The following MEI1 variants were observed in gnomAD, a reference collection of about 807,000 sequenced individuals.
MEI1 encodes meiotic double-stranded break formation protein 1.
A neutral mutation model predicts 146.2 loss-of-function variants in MEI1; 103 were observed. The ratio of observed to expected loss-of-function variants is 0.70; its 90% CI spans 0.60 to 0.83. MEI1 has a LOEUF of 0.83. Among genes scored for constraint, MEI1 ranks in the 40% least tolerant of loss-of-function variants. The pLI, the probability that MEI1 is intolerant of heterozygous loss-of-function variation, is 0.00. For missense variants in MEI1, 1,529 were observed against 1,533.0 expected (o/e 1.00, Z 0.04); for synonymous variants, 652 against 628.2 (o/e 1.04, Z -0.57).
At chr22:41,775,392 GTCTTGAAAACAACC>G (rs2075386773) in intron 20 of MEI1, among the ~76,000 whole-genome samples, 1 of 152,058 alleles carries the variant, frequency 6.6e-6, no homozygotes, top group Non-Finnish European at 1.5e-5. Context: ...CAGGTTCCCT[GTCTTGAAAACAACC>G]TCTTGACCCT....
At chr22:41,723,846 T>C in intron 6 of MEI1, 97 bp from the exon 7 acceptor site, 1 of 1,409,000 alleles carries the variant, frequency 7.1e-7, no homozygotes, top group East Asian at 2.5e-5. Flanking sequence ...TGTAGAGGGA[T>C]GAAGAAGTTT....
At position 41,729,691 on chromosome 22, in the gene MEI1, G is replaced by A; in HGVS notation, c.891G>A (p.Leu297=). ...KKLLLSRDET[L]QVASAHCITA... is the part of the protein sequence containing the mutation. The stretch of plus-strand genomic sequence containing the variant: ...TTCTCCTCTCTAGAGATGAAACCCT[G>A]CAGGTGGCCAGTGCTCACTGTATAA... The change falls in exon 8 of 31, where the codon CTG becomes CTA. Residue 297 remains leucine, a synonymous_variant. Transcript: ENST00000401548. 1 of 1,611,704 alleles carries A rather than the reference G, an allele frequency of 6.2e-7. No individual in the cohort carries two copies. Among genetic ancestry groups the A allele is most frequent in the Non-Finnish European group, 8.5e-7 (1 of 1,179,048 alleles).
chr22:41,729,557 C>T, intron 7 of MEI1, 108 bp from the exon 8 acceptor site: 1 of 714,494 alleles, frequency 1.4e-6, no homozygotes, highest in South Asian at 1.5e-5. Context: ...CCATGTGGGA[C>T]AGGAAGGATC....
intron 19 of MEI1, among the ~76,000 whole-genome samples, chr22:41,765,657 C>G (rs2074799081): frequency 2.0e-5 from 3 of 152,014 alleles, no homozygotes; most frequent in African/African-American, 7.2e-5. Flanking sequence ...TTTGCATTCT[C>G]TCTCTTCCCA....
At chr22:41,741,037 A>G in intron 11 of MEI1, among the ~76,000 whole-genome samples, 1 of 152,154 alleles carries the variant, frequency 6.6e-6, no homozygotes. Context: ...CAGCCTGCCG[A>G]GTAGCTGGGA....
At chr22:41,728,753 T>C (rs905915685) in intron 7 of MEI1, among the ~76,000 whole-genome samples, 6 of 147,532 alleles carry the variant, frequency 4.1e-5, no homozygotes, top group Non-Finnish European at 7.5e-5. Flanking sequence ...CCCAGCTACT[T>C]GAGGGGCTGA....
At chr22:41,792,021 GTT>G (rs941552813) in intron 26 of MEI1, among the ~76,000 whole-genome samples, 1 of 152,148 alleles carries the variant, frequency 6.6e-6, no homozygotes, top group African/African-American at 2.4e-5. Flanking sequence ...TGAGTATGGG[GTT>G]TCTTTTTAGG....
At chr22:41,719,419 T>C (rs1477439967) in intron 6 of MEI1, among the ~76,000 whole-genome samples, 2 of 152,142 alleles carry the variant, frequency 1.3e-5, no homozygotes, top group Non-Finnish European at 2.9e-5. Context: ...ACTCCTGATT[T>C]CAGGTGATCT....
At chr22:41,725,364 G>A (rs1184976798) in intron 7 of MEI1, among the ~76,000 whole-genome samples, 3 of 151,882 alleles carry the variant, frequency 2.0e-5, no homozygotes, top group East Asian at 1.9e-4. Context: ...CGCCTGCCTC[G>A]GCCTCCCAAA....
chr22:41,727,750 G>A (rs1398939160), intron 7 of MEI1, among the ~76,000 whole-genome samples: 1 of 152,124 alleles, frequency 6.6e-6, no homozygotes, highest in Non-Finnish European at 1.5e-5. Context: ...GAAGTCTGGT[G>A]GAACCAACAC....
intron 26 of MEI1, among the ~76,000 whole-genome samples, chr22:41,786,772 G>A (rs2076001072): frequency 6.6e-6 from 1 of 152,178 alleles, no homozygotes; most frequent in Non-Finnish European, 1.5e-5. Context: ...GTTCCCCATG[G>A]GAAAACTGCT....
At chr22:41,766,360 C>G (rs956201507) in intron 19 of MEI1, among the ~76,000 whole-genome samples, 1 of 151,040 alleles carries the variant, frequency 6.6e-6, no homozygotes, top group African/African-American at 2.4e-5. Flanking sequence ...TTAGTAGAGA[C>G]AGGGTTTCAC....
At chr22:41,765,883 C>CTTTTTTT (rs1013045266) in intron 19 of MEI1, among the ~76,000 whole-genome samples, 1 of 86,134 alleles carries the variant, frequency 1.2e-5, no homozygotes, top group Non-Finnish European at 2.3e-5. Context: ...CCAAAATGTT[C>CTTTTTTT]TTTTTTTTTT....
chr22:41,705,582 T>C (rs1451785738), intron 3 of MEI1, 28 bp downstream of exon 3: 1 of 1,598,224 alleles, frequency 6.3e-7, no homozygotes, highest in South Asian at 1.1e-5. Context: ...ATCTAGCACT[T>C]GAAGATGAAA....
chr22:41,784,746 G>A lies in MEI1; in HGVS notation c.3308G>A (p.Arg1103Gln), dbSNP rs1421289628. The A allele has an allele frequency of 3.1e-6, 5 of 1,611,864 alleles. No homozygotes were observed. Among genetic ancestry groups the A allele is most frequent in the East Asian group, 2.2e-5 (1 of 44,852 alleles). Residue 1103 changes from arginine (R) to glutamine (Q), a missense_variant, in exon 26 of 31, where the codon CGG becomes CAG. By Grantham distance (43) the Arg-to-Gln change is conservative. Around this residue, in one of 3 missense-constraint regions of MEI1, gnomAD observed 313 missense variants for 337.3 expected, o/e 0.93. Coordinates refer to ENST00000401548, the MANE Select transcript of MEI1 (RefSeq NM_152513.4). ...VLAPLRMSQV[R>Q]SLVIGLQNLL... ...GCTCCACTGCGAATGTCGCAAGTCCGGTCCCTGGTCATTGGGCTGCAGAAC... is the reference window on the plus strand; with the variant it reads ...GCTCCACTGCGAATGTCGCAAGTCCAGTCCCTGGTCATTGGGCTGCAGAAC...
chr22:41,774,860 C>T (rs991092938), intron 20 of MEI1, among the ~76,000 whole-genome samples: 4 of 152,176 alleles, frequency 2.6e-5, no homozygotes, highest in African/African-American at 4.8e-5. Flanking sequence ...CCAGCAACTG[C>T]GGAGGTTTCT....
chr22:41,784,188 T>C, intron 24 of MEI1, 151 bp from the exon 25 acceptor site: 1 of 651,402 alleles, frequency 1.5e-6, no homozygotes, highest in Non-Finnish European at 2.6e-6. Context: ...CCAGGGCTGG[T>C]GCAGCTTGGA....
intron 30 of MEI1, among the ~76,000 whole-genome samples, chr22:41,796,586 A>G (rs999669393): frequency 4.6e-5 from 7 of 152,138 alleles, no homozygotes; most frequent in African/African-American, 1.4e-4. Context: ...TAGAAATCCA[A>G]AGTGCTCCAA....
chr22:41,700,336 TTTTG>T (rs1193623323), intron 1 of MEI1, among the ~76,000 whole-genome samples: 2 of 152,118 alleles, frequency 1.3e-5, no homozygotes, highest in Admixed American at 6.5e-5. Flanking sequence ...AATGAAGTGG[TTTTG>T]TTTGTTTCGA....
Sources: allele counts gnomAD v4.1 joint callset (sites outside exome capture counted in the v4.1 genomes callset), GRCh38; gene constraint gnomAD v4.1.1; regional missense constraint gnomAD v4.1.1; transcripts MANE v1.5; gene names NCBI Gene and HGNC (gene_info 2026-07-23, HGNC 2026-07-21).